Variants in KALRN observed in about 807,000 individuals in gnomAD.
The protein encoded by KALRN is kalirin RhoGEF kinase.
A neutral mutation model predicts 353.7 loss-of-function variants in KALRN; 70 were observed. The ratio of observed to expected loss-of-function variants is 0.20; its 90% CI spans 0.16 to 0.24. The LOEUF (loss-of-function observed/expected upper bound fraction) is 0.24. Ranked by LOEUF, KALRN falls within the 10% of genes least tolerant of loss-of-function variation. The probability of loss-of-function intolerance (pLI) is 1.00; values close to 1 mark genes in which losing one functional copy is unlikely to be tolerated. For missense variants in KALRN, 2,791 were observed against 3,756.7 expected (o/e 0.74, Z 6.72); for synonymous variants, 1,391 against 1,434.8 (o/e 0.97, Z 0.69).
chr3:124,395,366 A>G, intron 12 of KALRN, 23 bp downstream of exon 12: 1 of 1,590,094 alleles, frequency 6.3e-7, no homozygotes, highest in Middle Eastern at 1.7e-4. Flanking sequence ...AGAGCTTTCC[A>G]GTGGGAAATG....
intron 21 of KALRN, among the ~76,000 whole-genome samples, chr3:124,449,398 G>A (rs2058557052): frequency 6.6e-6 from 1 of 152,148 alleles, no homozygotes; most frequent in Non-Finnish European, 1.5e-5. Context: ...TCATTTTCAT[G>A]TTGTGGTAGG....
At chr3:124,440,703 A>G (rs2093639169) in intron 18 of KALRN, among the ~76,000 whole-genome samples, 1 of 151,924 alleles carries the variant, frequency 6.6e-6, no homozygotes, top group African/African-American at 2.4e-5. Context: ...TGTGTAGAAG[A>G]AAAAAATTTC....
chr3:124,087,573 A>G (rs368632806), intron 1 of KALRN, among the ~76,000 whole-genome samples: 84 of 152,292 alleles, frequency 5.5e-4, no homozygotes, highest in African/African-American at 1.9e-3. Flanking sequence ...TTACACTGTA[A>G]CAAACCACCC....
At chr3:124,439,237 C>T (rs536041926) in intron 18 of KALRN, among the ~76,000 whole-genome samples, 200 bp downstream of exon 18, 1 of 148,618 alleles carries the variant, frequency 6.7e-6, no homozygotes, top group African/African-American at 2.5e-5. Flanking sequence ...CACACACACA[C>T]GCAGCTTCAA....
rs2063145032 is a variant in KALRN at position 124,491,394 on chromosome 3, C to T, written c.4659C>T (p.Thr1553=). ...PCKFALWSGR[T]PSSDNKTVLK... ...AATTCGCCTTGTGGTCTGGGCGCAC[C>T]CCATCCTCAGACAATAAAACAGTGC... Residue 1553 remains threonine (T), a synonymous_variant, in exon 31 of 60, where the codon ACC becomes ACT. Coordinates refer to ENST00000682506, the MANE Select transcript of KALRN (RefSeq NM_001388419.1). 6.2e-7 allele frequency: 1 copy of T among 1,609,482 alleles called. No homozygotes were observed. Among genetic ancestry groups the T allele is most frequent in the Non-Finnish European group, 8.5e-7 (1 of 1,177,564 alleles).
At chr3:124,193,599 A>G (rs1017485420) in intron 1 of KALRN, among the ~76,000 whole-genome samples, 1 of 151,902 alleles carries the variant, frequency 6.6e-6, no homozygotes, top group African/African-American at 2.4e-5. Context: ...ATACAATCAA[A>G]TTTAATGTTC....
chr3:124,464,688 T>C (rs1238441151), intron 25 of KALRN, among the ~76,000 whole-genome samples: 1 of 152,158 alleles, frequency 6.6e-6, no homozygotes, highest in Non-Finnish European at 1.5e-5. Flanking sequence ...TGTCTTTTCA[T>C]AGAAGCATCT....
chr3:124,507,987 T>C (rs747562141), intron 33 of KALRN, among the ~76,000 whole-genome samples: 35 of 152,222 alleles, frequency 2.3e-4, no homozygotes, highest in Non-Finnish European at 4.9e-4. Context: ...AAATATTTAT[T>C]CTATATTATT....
chr3:124,274,672 G>C, intron 5 of KALRN, among the ~76,000 whole-genome samples: 1 of 152,176 alleles, frequency 6.6e-6, no homozygotes, highest in East Asian at 1.9e-4. Flanking sequence ...AAACACCCAA[G>C]ACAATATCCT....
At chr3:124,432,216 C>T (rs2093303729) in intron 16 of KALRN, among the ~76,000 whole-genome samples, 1 of 151,988 alleles carries the variant, frequency 6.6e-6, no homozygotes, top group Admixed American at 6.6e-5. Flanking sequence ...TCAAGACCAG[C>T]CTGGCCAAAT....
intron 1 of KALRN, among the ~76,000 whole-genome samples, chr3:124,143,379 G>C (rs1037473676): frequency 1.3e-5 from 2 of 152,180 alleles, no homozygotes; most frequent in African/African-American, 2.4e-5. Flanking sequence ...GTCTAATGGG[G>C]CTTTAGGGTT....
intron 33 of KALRN, among the ~76,000 whole-genome samples, chr3:124,531,930 A>G (rs766738670): frequency 1.6e-4 from 24 of 152,218 alleles, no homozygotes; most frequent in Non-Finnish European, 3.1e-4. Context: ...GTCAATGTTT[A>G]AAGTATAAAG....
intron 1 of KALRN, among the ~76,000 whole-genome samples, chr3:124,034,772 T>G (rs1007524454): frequency 6.6e-6 from 1 of 152,084 alleles, no homozygotes; most frequent in Non-Finnish European, 1.5e-5. Flanking sequence ...TCTCCCCACA[T>G]GTCTGAAACA....
chr3:124,370,330 T>A (rs1040783904), intron 10 of KALRN, among the ~76,000 whole-genome samples: 1 of 151,958 alleles, frequency 6.6e-6, no homozygotes, highest in African/African-American at 2.4e-5. Flanking sequence ...AAAAAAAAAA[T>A]AACCGTATTT....
intron 1 of KALRN, among the ~76,000 whole-genome samples, chr3:124,209,531 G>C (rs1449902304): frequency 1.4e-5 from 2 of 145,910 alleles, no homozygotes; most frequent in Non-Finnish European, 3.0e-5. Flanking sequence ...ATGTCTAACT[G>C]TTGTGTCCAC....
At chr3:124,519,378 C>A in intron 33 of KALRN, 1 of 985,384 alleles carries the variant, frequency 1.0e-6, no homozygotes, top group Non-Finnish European at 1.2e-6. Context: ...AGAGCCCCAA[C>A]CCCAAACACA....
intron 34 of KALRN, among the ~76,000 whole-genome samples, chr3:124,627,875 C>G (rs368521322): frequency 6.6e-6 from 1 of 152,218 alleles, no homozygotes; most frequent in Non-Finnish European, 1.5e-5. Context: ...CCAAGTTAGT[C>G]GAGCTCCTAA....
At chr3:124,165,398 G>T (rs2070672241) in intron 1 of KALRN, among the ~76,000 whole-genome samples, 1 of 152,116 alleles carries the variant, frequency 6.6e-6, no homozygotes, top group Admixed American at 6.5e-5. Flanking sequence ...GTCTGTTGTG[G>T]GGCCTGGGTA....
intron 22 of KALRN, among the ~76,000 whole-genome samples, chr3:124,455,848 T>C (rs766035249): frequency 3.9e-5 from 6 of 152,230 alleles, no homozygotes; most frequent in Non-Finnish European, 5.9e-5. Flanking sequence ...AGATGGACTT[T>C]TAATCTCTTC....
Sources: allele counts gnomAD v4.1 joint callset (sites outside exome capture counted in the v4.1 genomes callset), GRCh38; gene constraint gnomAD v4.1.1; transcripts MANE v1.5; gene names NCBI Gene and HGNC (gene_info 2026-07-23, HGNC 2026-07-21).